Variants in PBX4 observed in about 807,000 individuals in gnomAD.
The protein encoded by PBX4 is PBX homeobox 4, also known as pre-B-cell leukemia transcription factor 4.
In PBX4, 26 loss-of-function variants were observed where a neutral mutation model predicts 35.1. That is an observed-to-expected ratio of 0.74 (90% confidence interval 0.54 to 1.03). The LOEUF is 1.03. PBX4 is among the 50% of genes least tolerant of loss of function. The pLI, the probability that PBX4 is intolerant of heterozygous loss-of-function variation, is 0.00. For missense variants in PBX4, 448 were observed against 504.3 expected (o/e 0.89, Z 1.07); for synonymous variants, 199 against 204.2 (o/e 0.97, Z 0.22).
intron 1 of PBX4, among the ~76,000 whole-genome samples, chr19:19,600,132 ACT>A (rs1468703761): frequency 7.1e-6 from 1 of 141,312 alleles, no homozygotes; most frequent in Non-Finnish European, 1.5e-5. Flanking sequence ...ATAGAGTGAG[ACT>A]CTGTCTCAAT....
chr19:19,593,957 C>G (rs985418222), intron 2 of PBX4, among the ~76,000 whole-genome samples: 5 of 150,858 alleles, frequency 3.3e-5, no homozygotes, highest in African/African-American at 1.2e-4. Context: ...AAGACCTCAT[C>G]CCCCCAAAAA....
chr19:19,610,318 C>T (rs1196065395), intron 1 of PBX4, among the ~76,000 whole-genome samples: 5 of 152,040 alleles, frequency 3.3e-5, no homozygotes, highest in Non-Finnish European at 5.9e-5. Context: ...AAGGCTGAGG[C>T]AGGAGAATTG....
At chr19:19,589,323 G>A (rs553795093) in intron 2 of PBX4, among the ~76,000 whole-genome samples, 1 of 152,094 alleles carries the variant, frequency 6.6e-6, no homozygotes, top group Admixed American at 6.6e-5. Context: ...AACTACTCAG[G>A]AGGCGGAGGC....
chr19:19,602,089 A>G (rs970353359), intron 1 of PBX4, among the ~76,000 whole-genome samples: 2 of 151,904 alleles, frequency 1.3e-5, no homozygotes, highest in African/African-American at 2.4e-5. Flanking sequence ...TGGAGAGAAG[A>G]GTAATCTGTG....
chr19:19,585,825 C>A (rs974991505), intron 2 of PBX4, among the ~76,000 whole-genome samples: 1 of 152,096 alleles, frequency 6.6e-6, no homozygotes, highest in African/African-American at 2.4e-5. Flanking sequence ...CTAACTTCAC[C>A]GCCTATCCCA....
At chr19:19,601,159 G>C (rs868690988) in intron 1 of PBX4, among the ~76,000 whole-genome samples, 1 of 152,224 alleles carries the variant, frequency 6.6e-6, no homozygotes, top group African/African-American at 2.4e-5. Context: ...TGGTTAGAAG[G>C]CTTTTTGGAA....
chr19:19,614,936 G>A (rs1420350094), intron 1 of PBX4, among the ~76,000 whole-genome samples: 1 of 151,844 alleles, frequency 6.6e-6, no homozygotes, highest in African/African-American at 2.4e-5. Context: ...GAGGTGGGTG[G>A]ATCATTTGAG....
At chr19:19,575,683 A>G (rs1010161692) in intron 2 of PBX4, among the ~76,000 whole-genome samples, 1 of 152,000 alleles carries the variant, frequency 6.6e-6, no homozygotes, top group African/African-American at 2.4e-5. Flanking sequence ...CTTTTCAAAC[A>G]CATCATGCTG....
intron 2 of PBX4, chr19:19,588,329 A>AT: frequency 1.8e-6 from 2 of 1,126,768 alleles, no homozygotes; most frequent in Non-Finnish European, 1.3e-6. Flanking sequence ...CAGATAACAC[A>AT]TTTGCCATCA....
chr19:19,563,663 G>A lies in PBX4; in HGVS notation c.926-48C>T. The A allele has an allele frequency of 6.8e-7, 1 of 1,473,638 alleles. No individual in the cohort carries two copies. Among genetic ancestry groups the A allele is most frequent in the Non-Finnish European group, 9.3e-7 (1 of 1,079,352 alleles). The allele number at this position is 1,473,638 out of a possible 1,614,324, so 91.3% of individuals were successfully genotyped here. On this transcript the variant is annotated intron_variant, in intron 6 of 7. Transcript: ENST00000251203. The surrounding 1 kb of genome is among the most constrained non-coding windows in gnomAD (Gnocchi z 5.1). ...TGGGCAGAGTCGTGGCGCCTCCTCA[G>A]GTGGAACCCACCCAGCCCCTCAGCC...
chr19:19,574,877 G>A (rs1022866665), intron 2 of PBX4, among the ~76,000 whole-genome samples: 1 of 151,886 alleles, frequency 6.6e-6, no homozygotes, highest in South Asian at 2.1e-4. Context: ...TAGAGACGGG[G>A]TTTCACCATG....
chr19:19,584,701 C>T (rs1379998932), intron 2 of PBX4, among the ~76,000 whole-genome samples: 2 of 150,354 alleles, frequency 1.3e-5, no homozygotes, highest in Non-Finnish European at 3.0e-5. Context: ...TCTCGGCTCA[C>T]GGCAACCTCC....
intron 1 of PBX4, among the ~76,000 whole-genome samples, chr19:19,603,304 T>C (rs1267148665): frequency 2.0e-5 from 3 of 152,104 alleles, no homozygotes; most frequent in Non-Finnish European, 4.4e-5. Flanking sequence ...AGGGGTTTTT[T>C]TTCTTTTTTT....
intron 2 of PBX4, among the ~76,000 whole-genome samples, chr19:19,582,944 G>A (rs1390853056): frequency 1.3e-5 from 2 of 152,238 alleles, no homozygotes; most frequent in Non-Finnish European, 2.9e-5. Context: ...CCCTGCAAGG[G>A]GGAAAAGGGA....
Position 19,563,386 on chromosome 19 carries a change from G to T in PBX4, c.1032+123C>A. 2.8e-6 allele frequency: 2 copies of T among 723,718 alleles called. No individual in the cohort carries two copies. The highest frequency in any genetic ancestry group is 2.9e-5 in the Admixed American group (1 of 34,850). The allele number at this position is 723,718 out of a possible 1,614,324, so 44.8% of individuals were successfully genotyped here. A position where few individuals can be genotyped will look rare whatever the true frequency, so the allele number is the denominator to read the frequency against. On this transcript the variant is annotated intron_variant, in intron 7 of 7. Coordinates refer to ENST00000251203, the MANE Select transcript of PBX4 (RefSeq NM_025245.3). The surrounding 1 kb of genome is among the most constrained non-coding windows in gnomAD (Gnocchi z 5.1). The stretch of plus-strand genomic sequence containing the variant: ...TGCCCCAGAGGTGGCCGCGCAGCAT[G>T]GCCTGTGTGGCTGCTGGGACCTCTG...
chr19:19,564,063 A>G (rs2061325680), intron 6 of PBX4, among the ~76,000 whole-genome samples: 1 of 151,578 alleles, frequency 6.6e-6, no homozygotes, highest in Non-Finnish European at 1.5e-5. Context: ...ACGTATGTAT[A>G]CATGTGCCAT....
intron 1 of PBX4, among the ~76,000 whole-genome samples, chr19:19,600,652 C>T (rs1188853690): frequency 6.6e-6 from 1 of 151,834 alleles, no homozygotes; most frequent in Non-Finnish European, 1.5e-5. Context: ...AACCCCGTCT[C>T]TACTAAAAGT....
At chr19:19,582,739 C>T (rs540264227) in intron 2 of PBX4, among the ~76,000 whole-genome samples, 1 of 152,344 alleles carries the variant, frequency 6.6e-6, no homozygotes, top group Admixed American at 6.5e-5. Context: ...AAGCCTGCTT[C>T]TCTTTCAGCT....
chr19:19,570,138 C>A lies in PBX4; in HGVS notation c.603G>T (p.Met201Ile), dbSNP rs752697263. Residue 201 changes from methionine (M) to isoleucine (I), a missense_variant, in exon 4 of 8, where the codon ATG becomes ATT. Coordinates refer to ENST00000251203, the MANE Select transcript of PBX4 (RefSeq NM_025245.3). ...QLKQSTCEAV[M>I]TLRSRLLDAR... ...CATCGAGCAGCCGCGAACGCAGGGT[C>A]ATCACTGCCTCACAGGTGCTCTGCT... 6.2e-7 allele frequency: 1 copy of A among 1,611,912 alleles called. No homozygotes were observed.
Sources: allele counts gnomAD v4.1 joint callset (sites outside exome capture counted in the v4.1 genomes callset), GRCh38; gene constraint gnomAD v4.1.1; non-coding constraint Gnocchi (gnomAD v3.1); transcripts MANE v1.5; gene names NCBI Gene and HGNC (gene_info 2026-07-23, HGNC 2026-07-21).